The following EDEM3 variants were observed in gnomAD, a reference collection of about 807,000 sequenced individuals.
EDEM3 encodes ER degradation-enhancing alpha-mannosidase-like protein 3.
In EDEM3, 60 loss-of-function variants were observed where a neutral mutation model predicts 110.2. The ratio of observed to expected loss-of-function variants is 0.54; its 90% CI spans 0.44 to 0.67. The LOEUF (loss-of-function observed/expected upper bound fraction) is 0.67, where lower values mean the gene tolerates loss of function less well. EDEM3 is among the 30% of genes least tolerant of loss of function. EDEM3 has a pLI of 0.00. For missense variants in EDEM3, 996 were observed against 1,121.0 expected, an observed-to-expected ratio of 0.89 and a Z score of 1.59; for synonymous variants, 352 against 382.9, an observed-to-expected ratio of 0.92 and a Z score of 0.94.
intron 11 of EDEM3, among the ~76,000 whole-genome samples, chr1:184,718,351 T>C (rs1459073119): frequency 6.6e-6 from 1 of 152,104 alleles, no homozygotes; most frequent in Admixed American, 6.6e-5. Context: ...GGGAGCTAAA[T>C]AAAAATTTCA....
intron 6 of EDEM3, among the ~76,000 whole-genome samples, chr1:184,731,533 C>T (rs970358198): frequency 2.6e-5 from 4 of 152,196 alleles, no homozygotes; most frequent in African/African-American, 7.2e-5. Context: ...GTACACTACA[C>T]TACTTCACGG....
At chr1:184,746,859 C>G (rs1475219393) in intron 2 of EDEM3, among the ~76,000 whole-genome samples, 1 of 152,122 alleles carries the variant, frequency 6.6e-6, no homozygotes, top group African/African-American at 2.4e-5. Context: ...TTATTAAAAG[C>G]CTGCCATGTA....
At chr1:184,751,972 C>T (rs565299113) in intron 1 of EDEM3, among the ~76,000 whole-genome samples, 6 of 152,110 alleles carry the variant, frequency 3.9e-5, no homozygotes, top group African/African-American at 1.4e-4. Context: ...AGGCTGGTCT[C>T]GAACTCCCGA....
intron 2 of EDEM3, among the ~76,000 whole-genome samples, chr1:184,748,948 T>A (rs1652597661): frequency 1.3e-5 from 2 of 152,140 alleles, no homozygotes; most frequent in Non-Finnish European, 2.9e-5. Flanking sequence ...TGTGCAAAAT[T>A]TTTTTTGAAT....
At position 184,728,196 on chromosome 1, in the gene EDEM3, T is replaced by C. The variant is rs115069920; in HGVS notation, c.613-1807A>G. On this transcript the variant is annotated intron_variant, in intron 6 of 19. Coordinates refer to ENST00000318130, the MANE Select transcript of EDEM3 (RefSeq NM_025191.4). ...ATCCAGACAGAGCAAATAAGACAGATATATAAATAGAGAAAATAACTGACA... is the reference window on the plus strand; with the variant it reads ...ATCCAGACAGAGCAAATAAGACAGACATATAAATAGAGAAAATAACTGACA... Among the ~76,000 whole-genome samples the C allele has an allele frequency of 2.9e-3, 435 of 152,214 alleles. 5 individuals are homozygous for C. The East Asian group carries it at 0.036, about 12-fold the overall frequency.
Position 184,693,931 on chromosome 1 carries a change from A to T in EDEM3, c.*132T>A. 1.1e-6 allele frequency: 1 copy of T among 876,568 alleles called. No individual in the cohort carries two copies. The highest frequency in any genetic ancestry group is 1.7e-6 in the Non-Finnish European group (1 of 580,204). The allele number at this position is 876,568 out of a possible 1,614,324, so 54.3% of individuals were successfully genotyped here. On this transcript the variant is annotated 3_prime_UTR_variant, in exon 20 of 20. Transcript: ENST00000318130. ...TCCAGATTCCTACGATAACTACGCC[A>T]GTCAGAACGTGGTTGTTCATCACCA... is the stretch of plus-strand genomic sequence containing the variant.
At chr1:184,746,283 A>G (rs35478695) in intron 2 of EDEM3, among the ~76,000 whole-genome samples, 60,328 of 152,074 alleles carry the variant, frequency 0.4, 12,652 homozygotes, top group East Asian at 0.59. Flanking sequence ...ACCTTCTATT[A>G]CATTAATAGA....
chr1:184,741,720 T>C (rs1652152359), intron 2 of EDEM3, among the ~76,000 whole-genome samples: 1 of 152,220 alleles, frequency 6.6e-6, no homozygotes, highest in Non-Finnish European at 1.5e-5. Flanking sequence ...CCTGATATAC[T>C]CAGGTATTTT....
chr1:184,703,109 C>T, intron 18 of EDEM3, 113 bp from the exon 19 acceptor site: 1 of 845,300 alleles, frequency 1.2e-6, no homozygotes, highest in Non-Finnish European at 1.7e-6. Flanking sequence ...GCATCAAGAA[C>T]CATAAAAACC....
intron 1 of EDEM3, among the ~76,000 whole-genome samples, chr1:184,750,382 G>A (rs145430553): frequency 7.9e-5 from 12 of 152,308 alleles, no homozygotes; most frequent in African/African-American, 2.9e-4. Context: ...GACTGAGGAA[G>A]CAGCCTTTCA....
At chr1:184,732,728 T>C in intron 6 of EDEM3, 109 bp downstream of exon 6, 1 of 1,131,328 alleles carries the variant, frequency 8.8e-7, no homozygotes, top group Non-Finnish European at 1.2e-6. Flanking sequence ...TTGAAGCATT[T>C]TTTTTTCAGC....
chr1:184,701,389 T>A (rs1160458510), intron 19 of EDEM3: 1 of 449,524 alleles, frequency 2.2e-6, no homozygotes, highest in East Asian at 9.8e-5. Flanking sequence ...CAAGATATTA[T>A]CATGGTATCC....
chr1:184,726,659 G>A lies in EDEM3; in HGVS notation c.613-270C>T, dbSNP rs536248097. Among the ~76,000 whole-genome samples, 15 of 152,248 alleles carry A rather than the reference G, an allele frequency of 9.9e-5. 1 individual carries two copies. The South Asian group carries it at 3.1e-3, about 32-fold the overall frequency. ...CAATTACTTCCCTTGGAGTAAACAA[G>A]TGACATGATTATAATCCAAGGGAAA... On this transcript the variant is annotated intron_variant, in intron 6 of 19. Transcript: ENST00000318130.
At chr1:184,752,461 T>C (rs1652822437) in intron 1 of EDEM3, among the ~76,000 whole-genome samples, 1 of 152,228 alleles carries the variant, frequency 6.6e-6, no homozygotes. Flanking sequence ...TTGTCGTTTA[T>C]AGCTCTAGAT....
At chr1:184,723,006 C>CT (rs1045358129) in intron 8 of EDEM3, among the ~76,000 whole-genome samples, 5 of 151,768 alleles carry the variant, frequency 3.3e-5, no homozygotes, top group African/African-American at 1.2e-4. Context: ...ATTTTCTTAG[C>CT]TTTTTTTACT....
chr1:184,736,558 T>C lies in EDEM3; in HGVS notation c.345+467A>G, dbSNP rs114553003. 6.8e-3 allele frequency among the ~76,000 whole-genome samples: 1,029 copies of C among 152,250 alleles called. 18 individuals carry two copies. The highest frequency in any genetic ancestry group is 0.024 in the African/African-American group (996 of 41,574). On this transcript the variant is annotated intron_variant, in intron 4 of 19. Transcript: ENST00000318130. Reference sequence around the variant, plus strand: ...GAACCAGAAATAAATTTCTGTACTATATGAGGTTGAAAAGGAGTACCAAGA... The same window carrying C: ...GAACCAGAAATAAATTTCTGTACTACATGAGGTTGAAAAGGAGTACCAAGA...
intron 6 of EDEM3, among the ~76,000 whole-genome samples, chr1:184,731,166 T>C (rs1651492380): frequency 6.6e-6 from 1 of 152,220 alleles, no homozygotes; most frequent in Non-Finnish European, 1.5e-5. Flanking sequence ...AGCTTGCTAA[T>C]GGCTGAGGTA....
chr1:184,746,960 T>C (rs1200174578), intron 2 of EDEM3, among the ~76,000 whole-genome samples: 1 of 152,086 alleles, frequency 6.6e-6, no homozygotes, highest in Non-Finnish European at 1.5e-5. Context: ...ACTTGTATTT[T>C]TAATTAAGTT....
In EDEM3 at chr1:184,717,015, A is replaced by G. The variant is rs373962628; in HGVS notation, c.1246-3T>C. 3.7e-4 allele frequency: 598 copies of G among 1,599,998 alleles called. 4 individuals are homozygous for G. The highest frequency in any genetic ancestry group is 1.0e-3 in the South Asian group (92 of 90,044). ...AGGTAGTAAGGATCTCCTGTAGCCT[A>G]TTAAAAAGGAGAATATATGTATAAT... On this transcript the variant is annotated splice_region_variant and splice_polypyrimidine_tract_variant and intron_variant, in intron 12 of 19. Coordinates refer to ENST00000318130, the MANE Select transcript of EDEM3 (RefSeq NM_025191.4).
Sources: gnomAD v4.1 joint callset for allele counts (sites outside exome capture counted in the v4.1 genomes callset) on GRCh38, gnomAD v4.1.1 for gene constraint, MANE v1.5 for transcripts, NCBI Gene and HGNC (gene_info 2026-07-23, HGNC 2026-07-21) for gene names.